The following ROCK2 variants were observed in gnomAD, a reference collection of about 807,000 sequenced individuals.
ROCK2 encodes rho-associated protein kinase 2.
A neutral mutation model predicts 195.1 loss-of-function variants in ROCK2; 61 were observed. The observed-to-expected ratio is 0.31, with a 90% CI of 0.25 to 0.39. The LOEUF (loss-of-function observed/expected upper bound fraction) is 0.39. Ranked by LOEUF, ROCK2 falls within the 10% of genes least tolerant of loss-of-function variation. ROCK2 has a pLI of 1.00. For synonymous variants in ROCK2, 504 were observed against 545.5 expected (o/e 0.92, Z 1.06); for missense variants, 1,109 against 1,637.4 (o/e 0.68, Z 5.57).
intron 9 of ROCK2, among the ~76,000 whole-genome samples, chr2:11,220,910 T>C (rs1664616558): frequency 6.6e-6 from 1 of 152,240 alleles, no homozygotes; most frequent in Non-Finnish European, 1.5e-5. Context: ...TTTATGACTA[T>C]ATAATTCTCT....
chr2:11,323,956 T>C (rs1668472926), intron 1 of ROCK2, among the ~76,000 whole-genome samples: 2 of 152,206 alleles, frequency 1.3e-5, no homozygotes, highest in African/African-American at 2.4e-5. Context: ...GTATCATATA[T>C]AGTGTTTTCA....
chr2:11,246,179 C>T (rs189194998), intron 4 of ROCK2, among the ~76,000 whole-genome samples: 58 of 152,162 alleles, frequency 3.8e-4, no homozygotes, highest in African/African-American at 1.3e-3. Flanking sequence ...AGTCCTATAC[C>T]GTCCCCTTCC....
chr2:11,211,891 A>G, intron 17 of ROCK2, 51 bp from the exon 18 acceptor site: 4 of 1,398,676 alleles, frequency 2.9e-6, no homozygotes, highest in Non-Finnish European at 3.9e-6. Flanking sequence ...CTAGCTCACA[A>G]TTTCAAAAGC....
rs1382871548 is a variant in ROCK2, at chr2:11,201,618, G to A, written c.2620-205C>T. Among the ~76,000 whole-genome samples, 1 of 152,154 alleles carries A rather than the reference G, an allele frequency of 6.6e-6. No homozygotes were observed. The highest frequency in any genetic ancestry group is 1.5e-5 in the Non-Finnish European group (1 of 68,016). ...AGTTCAGGTAATAATTAAGAAGCATGATTTTCAACTGGATATCACAGTGAT... is the reference window on the plus strand; with the variant it reads ...AGTTCAGGTAATAATTAAGAAGCATAATTTTCAACTGGATATCACAGTGAT... On this transcript the variant is annotated intron_variant, in intron 21 of 32. Coordinates refer to ENST00000315872, the MANE Select transcript of ROCK2 (RefSeq NM_004850.5). This position sits in a 1 kb window ranked among gnomAD's most constrained non-coding sequence, Gnocchi z 4.6.
chr2:11,200,871 G>T (rs1663825835), intron 23 of ROCK2, 86 bp downstream of exon 23: 2 of 1,162,916 alleles, frequency 1.7e-6, no homozygotes, highest in Non-Finnish European at 2.4e-6. Context: ...TTTTCATTTA[G>T]ATCTGTGATA....
intron 3 of ROCK2, among the ~76,000 whole-genome samples, chr2:11,256,968 CAGG>C (rs1325905649): frequency 3.3e-5 from 5 of 151,296 alleles, no homozygotes; most frequent in Non-Finnish European, 7.4e-5. Flanking sequence ...ATTTTTAATG[CAGG>C]GATAGTAGGC....
At chr2:11,292,156 T>TA (rs898766392) in intron 1 of ROCK2, among the ~76,000 whole-genome samples, 19 of 151,164 alleles carry the variant, frequency 1.3e-4, no homozygotes, top group South Asian at 4.2e-4. Context: ...AATACCGTAT[T>TA]AAAAAAAAAG....
intron 1 of ROCK2, among the ~76,000 whole-genome samples, chr2:11,287,955 T>G (rs1163757115): frequency 6.6e-6 from 1 of 152,210 alleles, no homozygotes; most frequent in Non-Finnish European, 1.5e-5. Context: ...CTGTGTTCTT[T>G]CGGCCAATGG....
chr2:11,199,060 C>G (rs1249950378), intron 23 of ROCK2, among the ~76,000 whole-genome samples: 2 of 151,832 alleles, frequency 1.3e-5, no homozygotes, highest in African/African-American at 4.8e-5. Flanking sequence ...GCCACCACAC[C>G]TGGCTAATTT....
intron 1 of ROCK2, among the ~76,000 whole-genome samples, chr2:11,330,792 G>GT: frequency 1.9e-5 from 1 of 52,840 alleles, no homozygotes; most frequent in African/African-American, 7.3e-5. Context: ...GAGGAGGAGA[G>GT]AGGAGGGAGG....
chr2:11,262,693 A>G (rs1354994877), intron 3 of ROCK2, among the ~76,000 whole-genome samples: 1 of 152,142 alleles, frequency 6.6e-6, no homozygotes, highest in East Asian at 1.9e-4. Context: ...CTCCCCAGCC[A>G]CGTGGAACTG....
At chr2:11,308,423 G>A in intron 1 of ROCK2, 5 of 1,605,616 alleles carry the variant, frequency 3.1e-6, no homozygotes, top group South Asian at 2.2e-5. Context: ...TGAAGAAGAT[G>A]AAGAAGAGGG....
chr2:11,216,060 G>A, intron 13 of ROCK2, 98 bp downstream of exon 13: 1 of 902,804 alleles, frequency 1.1e-6, no homozygotes, highest in Non-Finnish European at 1.8e-6. Flanking sequence ...AGGTTTCAAG[G>A]CACGTATTAC....
rs1669223492 is a variant in ROCK2, at chr2:11,344,492, G to T, written c.-356C>A. The T allele has an allele frequency of 1.0e-6, 1 of 993,180 alleles. No individual in the cohort carries two copies. The highest frequency in any genetic ancestry group is 6.1e-5 in the Admixed American group (1 of 16,376). The allele number at this position is 993,180 out of a possible 1,614,324, so 61.5% of individuals were successfully genotyped here. On this transcript the variant is annotated 5_prime_UTR_variant, in exon 1 of 33. Transcript: ENST00000315872. This position sits in a 1 kb window ranked among gnomAD's most constrained non-coding sequence, Gnocchi z 5.4. The stretch of plus-strand genomic sequence containing the variant: ...CGCCGCCACCGCCGCGGCCCGGACC[G>T]CCCCGCCCTCTGGGGCCCCGGGAGG...
chr2:11,272,620 C>G (rs540786332), intron 3 of ROCK2, among the ~76,000 whole-genome samples: 3 of 152,128 alleles, frequency 2.0e-5, no homozygotes, highest in African/African-American at 2.4e-5. Flanking sequence ...TGGTTCACGC[C>G]TATAACCCTA....
intron 1 of ROCK2, among the ~76,000 whole-genome samples, chr2:11,315,815 A>G (rs1191197216): frequency 6.6e-6 from 1 of 152,122 alleles, no homozygotes; most frequent in Non-Finnish European, 1.5e-5. Flanking sequence ...AATTACATAT[A>G]TCTAAAATAG....
At chr2:11,317,573 CATTTATATATAT>C (rs1668235952) in intron 1 of ROCK2, among the ~76,000 whole-genome samples, 1 of 49,778 alleles carries the variant, frequency 2.0e-5, no homozygotes, top group African/African-American at 9.2e-5. Context: ...CTGATCTACA[CATTTATATATAT>C]ATATATATAT....
intron 1 of ROCK2, among the ~76,000 whole-genome samples, chr2:11,292,786 C>G (rs975705715): frequency 2.0e-5 from 3 of 152,088 alleles, no homozygotes; most frequent in Non-Finnish European, 4.4e-5. Context: ...ATTTTTGTGT[C>G]CCTGTCCAAA....
chr2:11,242,664 A>T (rs1413490640), intron 4 of ROCK2, among the ~76,000 whole-genome samples: 1 of 152,158 alleles, frequency 6.6e-6, no homozygotes, highest in Non-Finnish European at 1.5e-5. Flanking sequence ...CCTATCGCCC[A>T]TATGTGCATA....
Sources: allele counts gnomAD v4.1 joint callset (sites outside exome capture counted in the v4.1 genomes callset), GRCh38; gene constraint gnomAD v4.1.1; non-coding constraint Gnocchi (gnomAD v3.1); transcripts MANE v1.5; gene names NCBI Gene and HGNC (gene_info 2026-07-23, HGNC 2026-07-21).